Variants in SPTBN1 observed in about 807,000 individuals in gnomAD.
SPTBN1 encodes spectrin beta, non-erythrocytic 1.
A neutral mutation model predicts 266.4 loss-of-function variants in SPTBN1; 32 were observed. That is an observed-to-expected ratio of 0.12 (90% confidence interval 0.09 to 0.16). SPTBN1 has a LOEUF of 0.16. Ranked by LOEUF, SPTBN1 falls within the 10% of genes least tolerant of loss-of-function variation. The pLI, the probability that SPTBN1 is intolerant of heterozygous loss-of-function variation, is 1.00. For synonymous variants in SPTBN1, 1,336 were observed against 1,162.2 expected, an observed-to-expected ratio of 1.15 and a Z score of -3.04; for missense variants, 2,296 against 3,067.1, an observed-to-expected ratio of 0.75 and a Z score of 5.94.
chr2:54,643,982 CAATAATAAT>C (rs56299899), intron 19 of SPTBN1, among the ~76,000 whole-genome samples: 94 of 149,810 alleles, frequency 6.3e-4, no homozygotes, highest in East Asian at 2.2e-3. Flanking sequence ...AATATAATAA[CAATAATAAT>C]AATAATAATA....
chr2:54,570,311 G>A (rs1349801236), intron 2 of SPTBN1, among the ~76,000 whole-genome samples: 1 of 152,208 alleles, frequency 6.6e-6, no homozygotes, highest in Non-Finnish European at 1.5e-5. Flanking sequence ...ACAGTAGCAT[G>A]GAGACACAGG....
chr2:54,595,318 A>G (rs62134701), intron 2 of SPTBN1, among the ~76,000 whole-genome samples: 21,053 of 152,114 alleles, frequency 0.14, 1,560 homozygotes, highest in Middle Eastern at 0.23. Context: ...GGGTGGGGGC[A>G]AATATAGCTG....
At chr2:54,599,053 C>T in intron 2 of SPTBN1, 39 bp from the exon 3 acceptor site, 1 of 1,607,308 alleles carries the variant, frequency 6.2e-7, no homozygotes. Flanking sequence ...CCTGCCAGTT[C>T]TGTGGTCAAT....
intron 18 of SPTBN1, 27 bp from the exon 19 acceptor site, chr2:54,642,956 C>G (rs1679675659): frequency 3.1e-6 from 5 of 1,602,928 alleles, no homozygotes; most frequent in African/African-American, 2.7e-5. Flanking sequence ...GGATCACAAT[C>G]TCTGAATCCT....
chr2:54,637,893 A>G (rs1446420790), intron 18 of SPTBN1, 90 bp downstream of exon 18: 7 of 1,139,814 alleles, frequency 6.1e-6, no homozygotes, highest in Non-Finnish European at 8.9e-6. Flanking sequence ...GAATTATAAA[A>G]TTAATGAAAC....
intron 1 of SPTBN1, among the ~76,000 whole-genome samples, chr2:54,489,584 C>G (rs917701362): frequency 3.3e-5 from 5 of 152,108 alleles, no homozygotes; most frequent in African/African-American, 1.2e-4. Context: ...TCTGTAATCT[C>G]TGTTCTTGGA....
At chr2:54,641,427 T>A (rs1679549738) in intron 18 of SPTBN1, among the ~76,000 whole-genome samples, 1 of 152,152 alleles carries the variant, frequency 6.6e-6, no homozygotes, top group Admixed American at 6.5e-5. Flanking sequence ...CTGGGAAAAA[T>A]TTTGTCATTA....
chr2:54,639,809 C>CTGTCT (rs1429373008), intron 18 of SPTBN1, among the ~76,000 whole-genome samples: 1 of 152,206 alleles, frequency 6.6e-6, no homozygotes, highest in Non-Finnish European at 1.5e-5. Context: ...CCCAGGGGCT[C>CTGTCT]TGTCTTCTGT....
In SPTBN1 at chr2:54,637,941, A is replaced by T. The variant is rs1197317533; in HGVS notation, c.3858+138A>T. On this transcript the variant is annotated intron_variant, in intron 18 of 35. Transcript: ENST00000356805. ...GCACCCATTTGACTCGCAGGCAGGG[A>T]TACGTGGCACTTCATCAGTTCTCCA... is the stretch of plus-strand genomic sequence containing the variant. 4.5e-6 allele frequency: 3 copies of T among 667,448 alleles called. No individual in the cohort carries two copies. The East Asian group carries it at 8.3e-5, about 18-fold the overall frequency. The allele number at this position is 667,448 out of a possible 1,614,324, so 41.3% of individuals were successfully genotyped here.
At chr2:54,512,960 G>A (rs116359849) in intron 1 of SPTBN1, among the ~76,000 whole-genome samples, 2,868 of 152,294 alleles carry the variant, frequency 0.019, 100 homozygotes, top group African/African-American at 0.062. Context: ...GACTTTGGGA[G>A]GCTGAGGCGG....
chr2:54,608,496 C>T (rs72920550), intron 3 of SPTBN1, among the ~76,000 whole-genome samples: 5 of 151,918 alleles, frequency 3.3e-5, no homozygotes, highest in South Asian at 2.1e-4. Context: ...AGGCTGAGTG[C>T]GTTCTTCTAC....
At chr2:54,482,887 A>G (rs2103947580) in intron 1 of SPTBN1, among the ~76,000 whole-genome samples, 1 of 152,352 alleles carries the variant, frequency 6.6e-6, no homozygotes, top group East Asian at 1.9e-4. Flanking sequence ...TTTTTTAAGC[A>G]GCCTTTTTCT....
intron 2 of SPTBN1, among the ~76,000 whole-genome samples, chr2:54,578,752 GTGT>G (rs1674670184): frequency 1.8e-5 from 2 of 113,558 alleles, no homozygotes; most frequent in South Asian, 5.0e-4. Context: ...CTGATGGGGT[GTGT>G]GTGTGTGTGT....
At chr2:54,542,600 G>A (rs992041896) in intron 2 of SPTBN1, among the ~76,000 whole-genome samples, 1 of 152,214 alleles carries the variant, frequency 6.6e-6, no homozygotes, top group African/African-American at 2.4e-5. Context: ...TGTGGAATTT[G>A]TCTCAGAAGG....
intron 7 of SPTBN1, among the ~76,000 whole-genome samples, chr2:54,621,096 G>A (rs528321407): frequency 1.2e-3 from 181 of 152,294 alleles, no homozygotes; most frequent in African/African-American, 4.0e-3. Flanking sequence ...AGGGGGCGGT[G>A]CTGGTCCTGT....
In SPTBN1 at chr2:54,554,530, C is replaced by T. The variant is rs1461371341; in HGVS notation, c.148+27964C>T. Among the ~76,000 whole-genome samples, 1 of 152,128 alleles carries T rather than the reference C, an allele frequency of 6.6e-6. No homozygotes were observed. Among genetic ancestry groups the T allele is most frequent in the Non-Finnish European group, 1.5e-5 (1 of 68,024 alleles). On this transcript the variant is annotated intron_variant, in intron 2 of 35. Coordinates refer to ENST00000356805, the MANE Select transcript of SPTBN1 (RefSeq NM_003128.3). This position sits in a 1 kb window ranked among gnomAD's most constrained non-coding sequence, Gnocchi z 4.5. ...AGAAGTGGGACCTAAGCAGGGTGAACCCAAATCACTAATACATTTAATACT... is the reference window on the plus strand; with the variant it reads ...AGAAGTGGGACCTAAGCAGGGTGAATCCAAATCACTAATACATTTAATACT...
chr2:54,633,384 T>C (rs1429166049), intron 17 of SPTBN1, among the ~76,000 whole-genome samples: 2 of 152,126 alleles, frequency 1.3e-5, no homozygotes, highest in Non-Finnish European at 2.9e-5. Context: ...CTTCATTTCT[T>C]GTTTAAAATT....
chr2:54,506,231 G>A (rs1573294541), intron 1 of SPTBN1, among the ~76,000 whole-genome samples: 1 of 152,096 alleles, frequency 6.6e-6, no homozygotes, highest in African/African-American at 2.4e-5. Flanking sequence ...GACCTTCCCC[G>A]TGCTACATGT....
chr2:54,632,273 G>C (rs1439936406), intron 16 of SPTBN1, among the ~76,000 whole-genome samples: 1 of 152,060 alleles, frequency 6.6e-6, no homozygotes, highest in Non-Finnish European at 1.5e-5. Context: ...GTACATTGCT[G>C]TTGCCTTGAT....
Sources: gnomAD v4.1 joint callset for allele counts (sites outside exome capture counted in the v4.1 genomes callset) on GRCh38, gnomAD v4.1.1 for gene constraint, Gnocchi (gnomAD v3.1) non-coding constraint, MANE v1.5 for transcripts, NCBI Gene and HGNC (gene_info 2026-07-23, HGNC 2026-07-21) for gene names.